Variants in SIPA1L3 observed in about 807,000 individuals in gnomAD.
SIPA1L3 encodes signal-induced proliferation-associated 1-like protein 3.
In SIPA1L3, 59 loss-of-function variants were observed where a neutral mutation model predicts 150.1. That is an observed-to-expected ratio of 0.39 (90% CI 0.32 to 0.49). SIPA1L3 has a LOEUF of 0.49. Among genes scored for constraint, SIPA1L3 ranks in the 20% least tolerant of loss-of-function variants. The pLI is 0.86. For missense variants in SIPA1L3, 2,211 were observed against 2,489.5 expected (o/e 0.89, Z 2.38); for synonymous variants, 1,070 against 1,077.6 (o/e 0.99, Z 0.14).
intron 1 of SIPA1L3, among the ~76,000 whole-genome samples, chr19:37,919,525 G>A (rs1215984969): frequency 6.6e-6 from 1 of 152,072 alleles, no homozygotes; most frequent in East Asian, 1.9e-4. Flanking sequence ...CAAGTCACTG[G>A]CTCCAGAGTC....
chr19:37,971,787 G>A (rs1008421760), intron 1 of SIPA1L3, among the ~76,000 whole-genome samples: 38 of 151,700 alleles, frequency 2.5e-4, no homozygotes, highest in Admixed American at 2.2e-3. Flanking sequence ...GGTTGGTCTC[G>A]AACTCCTGAG....
chr19:37,940,873 C>T (rs779677141), intron 1 of SIPA1L3, among the ~76,000 whole-genome samples: 13 of 152,126 alleles, frequency 8.5e-5, no homozygotes, highest in Non-Finnish European at 1.9e-4. Flanking sequence ...TGAGCCACCA[C>T]ACCTGGCTTG....
At chr19:38,102,337 A>G (rs1466362491) in intron 6 of SIPA1L3, among the ~76,000 whole-genome samples, 2 of 150,870 alleles carry the variant, frequency 1.3e-5, no homozygotes, top group Non-Finnish European at 3.0e-5. Context: ...GAGCCACCAC[A>G]CCTGGCCAAT....
rs1283982218 is a variant in SIPA1L3, at chr19:38,130,369, C to T, written c.2869-129C>T. The T allele has an allele frequency of 1.2e-5, 11 of 940,022 alleles. No homozygotes were observed. In the South Asian group the frequency reaches 1.3e-4, roughly 11 times the overall value. The allele number at this position is 940,022 out of a possible 1,614,324, so 58.2% of individuals were successfully genotyped here. The stretch of plus-strand genomic sequence containing the variant: ...GTTCCCCCTGCGGGTCCCCTGCCAT[C>T]ACCCGGGAAGGTATTAATAGATGGG... On this transcript the variant is annotated intron_variant, in intron 9 of 21. Coordinates refer to ENST00000222345, the MANE Select transcript of SIPA1L3 (RefSeq NM_015073.3).
At chr19:38,165,123 G>A (rs1972182067) in intron 15 of SIPA1L3, among the ~76,000 whole-genome samples, 1 of 152,034 alleles carries the variant, frequency 6.6e-6, no homozygotes. Context: ...AGAAACCCCT[G>A]GCCTTCTGTC....
rs1968585208 is a variant in SIPA1L3 at position 38,029,138 on chromosome 19, T to C, written c.-329T>C. 6.6e-6 allele frequency: 1 copy of C among 152,210 alleles called. No individual in the cohort carries two copies. Among genetic ancestry groups the C allele is most frequent in the Admixed American group, 6.5e-5 (1 of 15,286 alleles). 9.4% of individuals were successfully genotyped at this position (152,210 alleles called of 1,614,324 possible). A position where few individuals can be genotyped will look rare whatever the true frequency, so the allele number is the denominator to read the frequency against. On this transcript the variant is annotated 5_prime_UTR_variant, in exon 2 of 22. Coordinates refer to ENST00000222345, the MANE Select transcript of SIPA1L3 (RefSeq NM_015073.3). ...TCCTGGGACCCTCCAAGAGCACTAG[T>C]GTCTAGAAGGCACTAAGGGTGAGTA...
rs540352955 is a variant in SIPA1L3 at position 37,961,012 on chromosome 19, G to A, written c.-379+53654G>A. ...TCCTCCTGAGTAGCTGGGCTTACAG[G>A]CACCCGCCACCACACTTGGCTAATT... On this transcript the variant is annotated intron_variant, in intron 1 of 21. Transcript: ENST00000222345. Among the ~76,000 whole-genome samples the A allele has an allele frequency of 7.9e-5, 12 of 151,998 alleles. No individual in the cohort carries two copies. In the East Asian group the frequency reaches 2.3e-3, roughly 29 times the overall value.
intron 9 of SIPA1L3, among the ~76,000 whole-genome samples, chr19:38,121,556 C>G (rs1971017652): frequency 6.6e-6 from 1 of 150,662 alleles, no homozygotes. Flanking sequence ...CTGGCTAACA[C>G]AGTGAAACCC....
chr19:38,119,440 A>G lies in SIPA1L3; in HGVS notation c.2426A>G (p.Lys809Arg). 6.2e-7 allele frequency: 1 copy of G among 1,614,190 alleles called. No individual in the cohort carries two copies. Among genetic ancestry groups the G allele is most frequent in the Non-Finnish European group, 8.5e-7 (1 of 1,180,036 alleles). The part of the protein sequence containing the change: ...KVINAENAAH[K>R]SDKFHTMATR... ...ATTAACGCTGAGAACGCCGCGCACA[A>G]GTCCGACAAGTTCCACACCATGGCC... The change falls in exon 9 of 22, where the codon AAG becomes AGG. Residue 809 changes from lysine (K) to arginine (R), a missense_variant. This residue lies in a region of SIPA1L3 where 625 missense variants were observed against 804.2 expected (regional missense o/e 0.78). Transcript: ENST00000222345.
chr19:37,912,690 T>G (rs1332259011), intron 1 of SIPA1L3, among the ~76,000 whole-genome samples: 1 of 152,040 alleles, frequency 6.6e-6, no homozygotes, highest in East Asian at 1.9e-4. Flanking sequence ...AGATAGGGTC[T>G]CACACTATGT....
intron 1 of SIPA1L3, among the ~76,000 whole-genome samples, chr19:37,912,579 T>C (rs900406068): frequency 6.6e-6 from 1 of 152,134 alleles, no homozygotes; most frequent in Non-Finnish European, 1.5e-5. Flanking sequence ...CACTGTAACC[T>C]TGAACTCCTG....
chr19:37,999,081 G>T (rs1306745495), intron 1 of SIPA1L3, among the ~76,000 whole-genome samples: 1 of 152,050 alleles, frequency 6.6e-6, no homozygotes, highest in Admixed American at 6.6e-5. Flanking sequence ...CCCACAGACA[G>T]TTGGGAAGGT....
intron 1 of SIPA1L3, among the ~76,000 whole-genome samples, chr19:37,982,177 T>G (rs1052928368): frequency 1.4e-4 from 21 of 152,086 alleles, no homozygotes; most frequent in African/African-American, 4.6e-4. Context: ...ATGTCCCAGA[T>G]CAAAGTCGAG....
chr19:37,974,984 T>G (rs1967040983), intron 1 of SIPA1L3, among the ~76,000 whole-genome samples: 1 of 152,210 alleles, frequency 6.6e-6, no homozygotes, highest in African/African-American at 2.4e-5. Flanking sequence ...AAGACCATCC[T>G]GGCTAACATG....
chr19:38,174,282 G>A (rs952479482), intron 15 of SIPA1L3, among the ~76,000 whole-genome samples: 3 of 152,162 alleles, frequency 2.0e-5, no homozygotes, highest in South Asian at 2.1e-4. Flanking sequence ...GGCTGCTTAC[G>A]GCTCCTACAC....
At chr19:38,032,898 T>C (rs1599931161) in intron 2 of SIPA1L3, among the ~76,000 whole-genome samples, 1 of 150,084 alleles carries the variant, frequency 6.7e-6, no homozygotes, top group Non-Finnish European at 1.5e-5. Context: ...ATGTATATAG[T>C]GTACATAGGA....
intron 20 of SIPA1L3, among the ~76,000 whole-genome samples, chr19:38,202,330 G>A (rs1973105963): frequency 6.6e-6 from 1 of 152,160 alleles, no homozygotes; most frequent in African/African-American, 2.4e-5. Flanking sequence ...GCTCACGCCT[G>A]TAAACCCAGC....
At chr19:38,097,448 G>A (rs1184990671) in intron 4 of SIPA1L3, among the ~76,000 whole-genome samples, 1 of 152,206 alleles carries the variant, frequency 6.6e-6, no homozygotes, top group Non-Finnish European at 1.5e-5. Flanking sequence ...TAATTTTGAG[G>A]AAAAAGGGGT....
intron 16 of SIPA1L3, chr19:38,184,715 C>A (rs8109042): frequency 0.023 from 3,573 of 152,290 alleles, 127 homozygotes; most frequent in African/African-American, 0.077. Flanking sequence ...GAGACAGAAA[C>A]AGTGTCCCTG....
Sources: allele counts gnomAD v4.1 joint callset (sites outside exome capture counted in the v4.1 genomes callset), GRCh38; gene constraint gnomAD v4.1.1; regional missense constraint gnomAD v4.1.1; transcripts MANE v1.5; gene names NCBI Gene and HGNC (gene_info 2026-07-23, HGNC 2026-07-21).